Variants in SCFD2 observed in about 807,000 individuals in gnomAD.
SCFD2 encodes the protein sec1 family domain containing 2, also known as sec1 family domain-containing protein 2.
Under a neutral mutation model 58.9 loss-of-function variants are expected in SCFD2, and 54 were observed. That is an observed-to-expected ratio of 0.92 (90% confidence interval 0.74 to 1.15). The LOEUF (loss-of-function observed/expected upper bound fraction) is 1.15, where lower values mean the gene tolerates loss of function less well. Among genes scored for constraint, SCFD2 ranks in the 50% most tolerant of loss-of-function variants. The pLI is 0.00. For synonymous variants in SCFD2, 321 were observed against 335.9 expected (o/e 0.96, Z 0.49); for missense variants, 805 against 836.6 (o/e 0.96, Z 0.47).
At chr4:53,141,731 T>C (rs1350724532) in intron 5 of SCFD2, among the ~76,000 whole-genome samples, 5 of 152,024 alleles carry the variant, frequency 3.3e-5, no homozygotes, top group Admixed American at 6.5e-5. Flanking sequence ...GTTGGTAACA[T>C]GGCTCAGGCT....
intron 5 of SCFD2, among the ~76,000 whole-genome samples, chr4:53,115,534 A>G (rs530050981): frequency 6.6e-6 from 1 of 152,276 alleles, no homozygotes; most frequent in East Asian, 1.9e-4. Context: ...CCAAAGACAG[A>G]GAGGGCAGAC....
At chr4:53,235,573 T>C (rs1430690741) in intron 4 of SCFD2, among the ~76,000 whole-genome samples, 2 of 152,158 alleles carry the variant, frequency 1.3e-5, no homozygotes, top group African/African-American at 4.8e-5. Flanking sequence ...GAGAAGTAAA[T>C]ATAAAACAAC....
chr4:52,987,989 G>A (rs952568554), intron 5 of SCFD2, among the ~76,000 whole-genome samples: 32 of 152,202 alleles, frequency 2.1e-4, no homozygotes, highest in African/African-American at 7.0e-4. Context: ...AAACGTCTGC[G>A]AAGATCAGAG....
At chr4:53,338,925 C>A (rs1577983178) in intron 2 of SCFD2, among the ~76,000 whole-genome samples, 1 of 152,076 alleles carries the variant, frequency 6.6e-6, no homozygotes, top group South Asian at 2.1e-4. Context: ...AAACTGCCAA[C>A]CCAGACTCCT....
At chr4:53,174,522 TAAAATA>T (rs1261418353) in intron 4 of SCFD2, among the ~76,000 whole-genome samples, 2 of 152,140 alleles carry the variant, frequency 1.3e-5, no homozygotes, top group East Asian at 3.9e-4. Context: ...CTGAAAATAG[TAAAATA>T]AATAATATCC....
chr4:53,012,695 C>T (rs541835434), intron 5 of SCFD2, among the ~76,000 whole-genome samples: 2 of 152,202 alleles, frequency 1.3e-5, no homozygotes, highest in Admixed American at 1.3e-4. Flanking sequence ...TCTGGTACTG[C>T]TCATCAGCAT....
At chr4:53,331,784 T>C (rs914116234) in intron 2 of SCFD2, among the ~76,000 whole-genome samples, 35 of 152,228 alleles carry the variant, frequency 2.3e-4, no homozygotes, top group African/African-American at 7.5e-4. Context: ...CAAAAAACCC[T>C]TCAAAAAATT....
intron 5 of SCFD2, among the ~76,000 whole-genome samples, chr4:53,131,428 A>C (rs1334379718): frequency 1.3e-5 from 2 of 152,172 alleles, no homozygotes; most frequent in Non-Finnish European, 2.9e-5. Context: ...GGTGCTGCCT[A>C]CCATGGGGGC....
At chr4:53,305,525 A>T (rs1388274221) in intron 3 of SCFD2, among the ~76,000 whole-genome samples, 1 of 152,210 alleles carries the variant, frequency 6.6e-6, no homozygotes, top group Non-Finnish European at 1.5e-5. Flanking sequence ...ATGAAGTCAG[A>T]CATTAGACAT....
At chr4:53,289,756 A>G (rs752404465) in intron 3 of SCFD2, among the ~76,000 whole-genome samples, 2 of 152,184 alleles carry the variant, frequency 1.3e-5, no homozygotes, top group Non-Finnish European at 2.9e-5. Context: ...CTTTAAGGAC[A>G]CACTTAGGCT....
intron 5 of SCFD2, among the ~76,000 whole-genome samples, chr4:53,118,207 G>A (rs1725377939): frequency 1.3e-5 from 2 of 152,156 alleles, no homozygotes; most frequent in Admixed American, 1.3e-4. Context: ...TTGAGGGCAG[G>A]GGATTTTTTC....
intron 4 of SCFD2, among the ~76,000 whole-genome samples, chr4:53,189,569 A>G (rs1424711310): frequency 1.3e-5 from 2 of 152,066 alleles, no homozygotes; most frequent in Non-Finnish European, 2.9e-5. Context: ...GGAATTCTCT[A>G]ATTTCTTCTT....
chr4:53,076,561 A>G (rs1723981810), intron 5 of SCFD2, among the ~76,000 whole-genome samples: 1 of 152,126 alleles, frequency 6.6e-6, no homozygotes, highest in Non-Finnish European at 1.5e-5. Flanking sequence ...GTGTCCTCGT[A>G]ACTGTCAGGA....
intron 5 of SCFD2, among the ~76,000 whole-genome samples, chr4:52,974,466 C>T (rs920752251): frequency 3.3e-5 from 5 of 152,196 alleles, no homozygotes; most frequent in African/African-American, 7.2e-5. Flanking sequence ...TTACAAGGGA[C>T]ATGAAGGACC....
intron 5 of SCFD2, among the ~76,000 whole-genome samples, chr4:52,922,990 G>T (rs1448593288): frequency 6.6e-6 from 1 of 152,166 alleles, no homozygotes; most frequent in Non-Finnish European, 1.5e-5. Context: ...AACTAAAATG[G>T]AATGAATCTA....
At chr4:53,039,952 TATTTG>T (rs1366398010) in intron 5 of SCFD2, among the ~76,000 whole-genome samples, 5 of 152,174 alleles carry the variant, frequency 3.3e-5, no homozygotes, top group African/African-American at 1.2e-4. Flanking sequence ...TGGAATCACT[TATTTG>T]ACACTTACAC....
intron 5 of SCFD2, among the ~76,000 whole-genome samples, chr4:53,126,777 G>C (rs1257316739): frequency 6.6e-6 from 1 of 152,102 alleles, no homozygotes; most frequent in African/African-American, 2.4e-5. Flanking sequence ...CAGGATTCCC[G>C]AGAACCACCG....
At chr4:53,079,534 T>A (rs564234469) in intron 5 of SCFD2, among the ~76,000 whole-genome samples, 45 of 151,368 alleles carry the variant, frequency 3.0e-4, no homozygotes, top group African/African-American at 9.4e-4. Context: ...GATCCAAAAA[T>A]TTTTTTTATA....
At chr4:53,292,822 T>A (rs1438946785) in intron 3 of SCFD2, among the ~76,000 whole-genome samples, 1 of 151,988 alleles carries the variant, frequency 6.6e-6, no homozygotes, top group African/African-American at 2.4e-5. Flanking sequence ...AATGGTAGAC[T>A]GGATAAAGAA....
Sources: gnomAD v4.1 joint callset for allele counts (sites outside exome capture counted in the v4.1 genomes callset) on GRCh38, gnomAD v4.1.1 for gene constraint, MANE v1.5 for transcripts, NCBI Gene and HGNC (gene_info 2026-07-23, HGNC 2026-07-21) for gene names.